CKAP2L: variants seen among roughly 807,000 people sequenced by gnomAD.
CKAP2L encodes the protein cytoskeleton-associated protein 2-like.
A neutral mutation model predicts 65.7 loss-of-function variants in CKAP2L; 42 were observed. The ratio of observed to expected loss-of-function variants is 0.64; its 90% confidence interval spans 0.50 to 0.83. The LOEUF is 0.83. Ranked by LOEUF, CKAP2L falls within the 40% of genes least tolerant of loss-of-function variation. The probability of loss-of-function intolerance (pLI) is 0.00; values close to 1 mark genes in which losing one functional copy is unlikely to be tolerated. For missense variants in CKAP2L, 908 were observed against 871.0 expected (o/e 1.04, Z -0.53); for synonymous variants, 325 against 313.5 (o/e 1.04, Z -0.39).
At chr2:112,739,836 T>C (rs2104846374) in intron 8 of CKAP2L, among the ~76,000 whole-genome samples, 1 of 152,278 alleles carries the variant, frequency 6.6e-6, no homozygotes, top group South Asian at 2.1e-4. Flanking sequence ...TTATTTTTCA[T>C]AGAGTTGGGG....
chr2:112,747,398 A>G (rs1680234421), intron 5 of CKAP2L, among the ~76,000 whole-genome samples: 1 of 152,256 alleles, frequency 6.6e-6, no homozygotes, highest in Non-Finnish European at 1.5e-5. Context: ...ATAATATTCC[A>G]TATTTATAAT....
intron 6 of CKAP2L, among the ~76,000 whole-genome samples, chr2:112,743,561 C>T (rs1390784418): frequency 6.6e-6 from 1 of 152,100 alleles, no homozygotes; most frequent in Non-Finnish European, 1.5e-5. Flanking sequence ...CCTCAGCCTC[C>T]CGAAGAGCTG....
chr2:112,756,182 T>G lies in CKAP2L; in HGVS notation c.1189A>C (p.Arg397=). 1 of 1,614,174 alleles carries G rather than the reference T, an allele frequency of 6.2e-7. No individual in the cohort carries two copies. Among genetic ancestry groups the G allele is most frequent in the African/African-American group, 1.3e-5 (1 of 75,050 alleles). Residue 397 remains arginine (R), a synonymous_variant, in exon 4 of 9, where the codon AGA becomes CGA. Transcript: ENST00000302450. ...TTATTACCACTGGTTCCATTTGGTC[T>G]TATGCTAGGGGTGCTTGGAATGGCT... The part of the protein sequence containing the change: ...NSAIPSTPSI[R]PNGTSGNKHN...
At chr2:112,759,138 A>G (rs1427161815) in intron 3 of CKAP2L, among the ~76,000 whole-genome samples, 1 of 152,244 alleles carries the variant, frequency 6.6e-6, no homozygotes, top group Admixed American at 6.5e-5. Context: ...AGCAAAATTA[A>G]TAATAGTAAA....
intron 5 of CKAP2L, among the ~76,000 whole-genome samples, chr2:112,747,668 G>A (rs1680243170): frequency 1.3e-5 from 2 of 152,216 alleles, no homozygotes; most frequent in East Asian, 1.9e-4. Context: ...AGAAATCCAG[G>A]TACTGGCACA....
intron 8 of CKAP2L, 47 bp downstream of exon 8, chr2:112,740,771 C>T: frequency 2.0e-6 from 3 of 1,471,906 alleles, no homozygotes; most frequent in East Asian, 2.3e-5. Context: ...GAGACTTGGA[C>T]TAGAATTAAG....
At chr2:112,741,822 G>A (rs578108173) in intron 7 of CKAP2L, among the ~76,000 whole-genome samples, 12 of 151,492 alleles carry the variant, frequency 7.9e-5, no homozygotes, top group Non-Finnish European at 1.5e-4. Flanking sequence ...GTGCAGTGGC[G>A]TGATCTTCAT....
At chr2:112,739,465 G>A (rs1201680160) in intron 8 of CKAP2L, among the ~76,000 whole-genome samples, 1 of 152,202 alleles carries the variant, frequency 6.6e-6, no homozygotes, top group Admixed American at 6.5e-5. Context: ...ACTGGGTGGT[G>A]TCCATCTGTT....
At position 112,739,033 on chromosome 2, in the gene CKAP2L, CG is replaced by C; in HGVS notation, c.2027del (p.Pro676ArgfsTer6). ...TGATAAATTTCATGTCTTGCACTTCCGGCATCCCATTTATTCTGAGAGACAG... is the reference window on the plus strand; with the variant it reads ...TGATAAATTTCATGTCTTGCACTTCCGCATCCCATTTATTCTGAGAGACAG... ...IGPIPRINGM[P>X]EVQDMKFITP... is the part of the protein sequence containing the mutation. On this transcript the variant is annotated frameshift_variant, in exon 9 of 9. Transcript: ENST00000302450. LOFTEE classifies it high-confidence loss of function. 1 of 1,613,832 alleles carries C rather than the reference CG, an allele frequency of 6.2e-7. No individual in the cohort carries two copies. The highest frequency in any genetic ancestry group is 8.5e-7 in the Non-Finnish European group (1 of 1,179,808).
intron 6 of CKAP2L, among the ~76,000 whole-genome samples, chr2:112,743,651 T>C (rs1680102249): frequency 6.6e-6 from 1 of 152,036 alleles, no homozygotes. Context: ...TTGGCCAGGC[T>C]GGTCTCAAAC....
chr2:112,754,671 T>C (rs1680478756), intron 4 of CKAP2L, among the ~76,000 whole-genome samples: 1 of 152,230 alleles, frequency 6.6e-6, no homozygotes, highest in Admixed American at 6.5e-5. Context: ...ACCTACAGAA[T>C]GAGTGAATGA....
intron 6 of CKAP2L, 81 bp downstream of exon 6, chr2:112,746,338 TA>T: frequency 8.2e-7 from 1 of 1,219,408 alleles, no homozygotes; most frequent in Non-Finnish European, 1.1e-6. Context: ...TGCAAACTTC[TA>T]ACCATCATAT....
intron 5 of CKAP2L, among the ~76,000 whole-genome samples, chr2:112,747,142 GT>G: frequency 6.6e-6 from 1 of 151,356 alleles, no homozygotes; most frequent in Non-Finnish European, 1.5e-5. Flanking sequence ...CCAGGCTGGA[GT>G]GCAGTGGTAC....
At position 112,757,205 on chromosome 2, in the gene CKAP2L, G is replaced by A. The variant is rs771455910; in HGVS notation, c.166C>T (p.Pro56Ser). 3 of 1,573,474 alleles carry A rather than the reference G, an allele frequency of 1.9e-6. No individual in the cohort carries two copies. Among genetic ancestry groups the A allele is most frequent in the Non-Finnish European group, 2.6e-6 (3 of 1,162,254 alleles). ...ACATGGTTGGTAACATCATTTTTGG[G>A]TCTAATAGTCTGAAAAAACAAAGAA... ...NQPPSKSTIR[P>S]KNDVTNHVVL... The change falls in exon 4 of 9, where the codon CCC (proline) becomes TCC (serine). Residue 56 changes from proline (P) to serine (S), a missense_variant. Transcript: ENST00000302450.
intron 1 of CKAP2L, 138 bp downstream of exon 1, chr2:112,764,424 G>T (rs1025645055): frequency 2.1e-6 from 2 of 950,310 alleles, no homozygotes; most frequent in Non-Finnish European, 3.4e-6. Context: ...CTGCGCTCCC[G>T]GGATGGAAAA....
intron 7 of CKAP2L, chr2:112,742,357 G>A: frequency 1.4e-6 from 1 of 716,862 alleles, no homozygotes; most frequent in Non-Finnish European, 2.6e-6. Context: ...GAGTATGTTG[G>A]TGGGTTTATT....
At chr2:112,762,620 A>G in intron 1 of CKAP2L, 51 bp from the exon 2 acceptor site, 1 of 1,427,318 alleles carries the variant, frequency 7.0e-7, no homozygotes, top group Non-Finnish European at 9.9e-7. Flanking sequence ...CAAGATTTTA[A>G]CCAGTTCATT....
In CKAP2L at chr2:112,756,059, T is replaced by C. The variant is rs1224878250; in HGVS notation, c.1312A>G (p.Lys438Glu). ...ACGGTTGTGACATCAGCTTGAGTTT[T>C]GGGAGCTGTCTTGTTCAGAAAATGG... is the stretch of plus-strand genomic sequence containing the variant. ...QNHFLNKTAP[K>E]TQADVTTVNG... is the part of the protein sequence containing the mutation. Residue 438 changes from lysine (K) to glutamate (E), a missense_variant, in exon 4 of 9, where the codon AAA becomes GAA. Coordinates refer to ENST00000302450, the MANE Select transcript of CKAP2L (RefSeq NM_152515.5). 5.0e-6 allele frequency: 8 copies of C among 1,613,742 alleles called. No homozygotes were observed. The highest frequency in any genetic ancestry group is 1.7e-5 in the Admixed American group (1 of 59,910).
At position 112,751,210 on chromosome 2, in the gene CKAP2L, G is replaced by C. The variant is rs190604767; in HGVS notation, c.1602+1057C>G. Among the ~76,000 whole-genome samples the C allele has an allele frequency of 3.2e-4, 49 of 152,208 alleles. No homozygotes were observed. In the East Asian group the frequency reaches 4.6e-3, roughly 14 times the overall value. On this transcript the variant is annotated intron_variant, in intron 5 of 8. Coordinates refer to ENST00000302450, the MANE Select transcript of CKAP2L (RefSeq NM_152515.5). ...TATTTTCAGTTTATAGGGCAAAAAGGAAAATACTCAACTCATCTGCCTAAG... is the reference window on the plus strand; with the variant it reads ...TATTTTCAGTTTATAGGGCAAAAAGCAAAATACTCAACTCATCTGCCTAAG...
Sources: gnomAD v4.1 joint callset for allele counts (sites outside exome capture counted in the v4.1 genomes callset) on GRCh38, gnomAD v4.1.1 for gene constraint, MANE v1.5 for transcripts, NCBI Gene and HGNC (gene_info 2026-07-23, HGNC 2026-07-21) for gene names.